Variants in FAM117B observed in about 807,000 individuals in gnomAD.
FAM117B encodes the protein family with sequence similarity 117 member B.
A neutral mutation model predicts 52.8 loss-of-function variants in FAM117B; 22 were observed. That is an observed-to-expected ratio of 0.42 (90% confidence interval 0.30 to 0.59). FAM117B has a LOEUF of 0.59. Ranked by LOEUF, FAM117B falls within the 20% of genes least tolerant of loss-of-function variation. The pLI, the probability that FAM117B is intolerant of heterozygous loss-of-function variation, is 0.22. For synonymous variants in FAM117B, 309 were observed against 324.1 expected (o/e 0.95, Z 0.50); for missense variants, 678 against 802.6 (o/e 0.84, Z 1.88).
chr2:202,658,129 G>A (rs1245940696), intron 1 of FAM117B, among the ~76,000 whole-genome samples: 2 of 151,924 alleles, frequency 1.3e-5, no homozygotes, highest in South Asian at 2.1e-4. Context: ...GAATTTAAGG[G>A]GAGAAAAATG....
intron 7 of FAM117B, among the ~76,000 whole-genome samples, chr2:202,764,291 G>C (rs1055526005): frequency 1.3e-4 from 20 of 151,994 alleles, no homozygotes; most frequent in African/African-American, 4.8e-4. Context: ...GTGAGACAGG[G>C]TCTTGCTCTG....
intron 1 of FAM117B, among the ~76,000 whole-genome samples, chr2:202,652,835 TTCTC>T (rs1320877101): frequency 3.3e-5 from 5 of 152,322 alleles, no homozygotes; most frequent in Admixed American, 3.3e-4. Flanking sequence ...CCTTTGGACA[TTCTC>T]TCTAGCAGTT....
At position 202,769,114 on chromosome 2, in the gene FAM117B, A is replaced by G. The variant is rs1692031732; in HGVS notation, c.*3350A>G. On this transcript the variant is annotated 3_prime_UTR_variant, in exon 8 of 8. Coordinates refer to ENST00000392238, the MANE Select transcript of FAM117B (RefSeq NM_173511.4). ...TTTCTTATACTTAATACTTATGACTACAGTCCAAATCAGTCTTTTAGAAGG... is the reference window on the plus strand; with the variant it reads ...TTTCTTATACTTAATACTTATGACTGCAGTCCAAATCAGTCTTTTAGAAGG... 6.6e-6 allele frequency: 1 copy of G among 152,208 alleles called. No homozygotes were observed. The highest frequency in any genetic ancestry group is 2.1e-4 in the South Asian group (1 of 4,834). 9.4% of individuals were successfully genotyped at this position (152,208 alleles called of 1,614,324 possible).
chr2:202,693,582 C>T (rs531012346), intron 1 of FAM117B, among the ~76,000 whole-genome samples: 123 of 152,264 alleles, frequency 8.1e-4, no homozygotes, highest in African/African-American at 2.5e-3. Flanking sequence ...GGTGACAGAG[C>T]GAGACTGTAT....
intron 1 of FAM117B, among the ~76,000 whole-genome samples, chr2:202,681,647 G>C (rs1690464634): frequency 6.6e-6 from 1 of 152,212 alleles, no homozygotes; most frequent in South Asian, 2.1e-4. Flanking sequence ...TTCAACATTT[G>C]TTTCCCAGTA....
chr2:202,715,772 C>T lies in FAM117B; in HGVS notation c.754-9145C>T, dbSNP rs944786328. On this transcript the variant is annotated intron_variant, in intron 2 of 7. Coordinates refer to ENST00000392238, the MANE Select transcript of FAM117B (RefSeq NM_173511.4). ...TTGTAGCAAGCCGAGATCAGGCCAC[C>T]GCACTCCAGCCTGGGCACCATTGAG... 8.5e-5 allele frequency among the ~76,000 whole-genome samples: 13 copies of T among 152,224 alleles called. No homozygotes were observed. In the East Asian group the frequency reaches 1.5e-3, roughly 18 times the overall value.
intron 1 of FAM117B, among the ~76,000 whole-genome samples, chr2:202,692,577 TTCTTTTTAAAGGGATAACATTTCAC>T: frequency 6.6e-6 from 1 of 152,218 alleles, no homozygotes; most frequent in Non-Finnish European, 1.5e-5. Context: ...GAAAAGGGAA[TTCTTTTTAAAGGGATAACATTTCAC>T]TTAATTCTAG....
At position 202,757,563 on chromosome 2, in the gene FAM117B, A is replaced by T. The variant is rs374501286; in HGVS notation, c.1330+125A>T. ...TACTCAGTTAATGTGTTCAAAGCCT[A>T]GGTTTTCAATTTGGAGTGTAAACAG... On this transcript the variant is annotated intron_variant, in intron 6 of 7. Transcript: ENST00000392238. 9.5e-6 allele frequency: 10 copies of T among 1,047,324 alleles called. No individual in the cohort carries two copies. The African/African-American group carries it at 9.6e-5, about 10-fold the overall frequency. The allele number at this position is 1,047,324 out of a possible 1,614,324, so 64.9% of individuals were successfully genotyped here.
chr2:202,673,570 C>T (rs774721291), intron 1 of FAM117B, among the ~76,000 whole-genome samples: 1 of 150,054 alleles, frequency 6.7e-6, no homozygotes, highest in Non-Finnish European at 1.5e-5. Context: ...GCCTCAGCCT[C>T]CCAAGTAGCT....
intron 1 of FAM117B, among the ~76,000 whole-genome samples, chr2:202,666,337 A>T (rs1427147322): frequency 6.6e-6 from 1 of 151,880 alleles, no homozygotes; most frequent in Admixed American, 6.6e-5. Flanking sequence ...AAAAATGTTG[A>T]CTCATTGAAG....
intron 6 of FAM117B, 141 bp from the exon 7 acceptor site, chr2:202,759,092 A>G (rs747347066): frequency 3.5e-6 from 3 of 865,612 alleles, no homozygotes; most frequent in African/African-American, 1.7e-5. Context: ...GTGTGCATTT[A>G]TTTAACAAAC....
chr2:202,658,147 T>A (rs1192683265), intron 1 of FAM117B, among the ~76,000 whole-genome samples: 1 of 152,176 alleles, frequency 6.6e-6, no homozygotes, highest in East Asian at 1.9e-4. Context: ...ATGTTTTATG[T>A]ACAAGTATAT....
At chr2:202,713,918 G>T (rs996887927) in intron 2 of FAM117B, among the ~76,000 whole-genome samples, 2 of 152,176 alleles carry the variant, frequency 1.3e-5, no homozygotes, top group South Asian at 2.1e-4. Context: ...TGTTGGCCAG[G>T]TTGGTCTCAA....
At position 202,641,442 on chromosome 2, in the gene FAM117B, A is replaced by G. The variant is rs116898943; in HGVS notation, c.601+5654A>G. On this transcript the variant is annotated intron_variant, in intron 1 of 7. Coordinates refer to ENST00000392238, the MANE Select transcript of FAM117B (RefSeq NM_173511.4). Reference sequence around the variant, plus strand: ...TAGAAAGTATTCCATGGTTAATAGTATGTACTCTGGAGCCAGACTGTCAGG... The same window carrying G: ...TAGAAAGTATTCCATGGTTAATAGTGTGTACTCTGGAGCCAGACTGTCAGG... Among the ~76,000 whole-genome samples, 209 of 152,284 alleles carry G rather than the reference A, an allele frequency of 1.4e-3. 5 individuals carry two copies. In the East Asian group the frequency reaches 0.04, roughly 29 times the overall value.
In FAM117B at chr2:202,765,839, C is replaced by T. The variant is rs114146579; in HGVS notation, c.*75C>T. 68,851 of 1,433,504 alleles carry T rather than the reference C, an allele frequency of 0.048. 1,883 individuals carry two copies. The highest frequency in any genetic ancestry group is 0.054 in the Non-Finnish European group (57,130 of 1,053,174). The allele number at this position is 1,433,504 out of a possible 1,614,324, so 88.8% of individuals were successfully genotyped here. On this transcript the variant is annotated 3_prime_UTR_variant, in exon 8 of 8. Transcript: ENST00000392238. ...ATCACTGGATTCTGATGGCATCGTG[C>T]GCTTCTGGTCGGCTGTGATGTGCTC...
chr2:202,651,060 C>CTTTT (rs138809054), intron 1 of FAM117B, among the ~76,000 whole-genome samples: 1 of 124,214 alleles, frequency 8.1e-6, no homozygotes, highest in Non-Finnish European at 1.7e-5. Context: ...ATTTGCCATT[C>CTTTT]TTTTTTTTTT....
At chr2:202,674,859 A>G (rs900065852) in intron 1 of FAM117B, among the ~76,000 whole-genome samples, 7 of 152,170 alleles carry the variant, frequency 4.6e-5, no homozygotes, top group African/African-American at 1.4e-4. Flanking sequence ...AGATACATGG[A>G]GTTTCTAGAG....
chr2:202,664,703 TTATC>T (rs1370704704), intron 1 of FAM117B, among the ~76,000 whole-genome samples: 4 of 152,130 alleles, frequency 2.6e-5, no homozygotes, highest in Non-Finnish European at 5.9e-5. Context: ...CTTGAGTAAT[TTATC>T]TATCTAGTAA....
chr2:202,695,381 G>A (rs1166536422), intron 1 of FAM117B, among the ~76,000 whole-genome samples: 2 of 152,022 alleles, frequency 1.3e-5, no homozygotes, highest in African/African-American at 2.4e-5. Flanking sequence ...GTAGGGTGAC[G>A]AAATGTCTTG....
Sources: gnomAD v4.1 joint callset for allele counts (sites outside exome capture counted in the v4.1 genomes callset) on GRCh38, gnomAD v4.1.1 for gene constraint, MANE v1.5 for transcripts, NCBI Gene and HGNC (gene_info 2026-07-23, HGNC 2026-07-21) for gene names.